The following TOX2 variants were observed in gnomAD, a reference collection of about 807,000 sequenced individuals.
The protein encoded by TOX2 is granulosa cell HMG box 1.
TOX2 carries 15 observed loss-of-function variants against 47.4 expected under a neutral mutation model. That is an observed-to-expected ratio of 0.32 (90% CI 0.21 to 0.49). The LOEUF is 0.49. Ranked by LOEUF, TOX2 falls within the 20% of genes least tolerant of loss-of-function variation. The probability of loss-of-function intolerance (pLI) is 0.99; values close to 1 mark genes in which losing one functional copy is unlikely to be tolerated. For synonymous variants in TOX2, 290 were observed against 296.6 expected (o/e 0.98, Z 0.23); for missense variants, 622 against 673.1 (o/e 0.92, Z 0.84).
chr20:43,995,830 G>A (rs2070467067), intron 2 of TOX2, among the ~76,000 whole-genome samples: 1 of 152,166 alleles, frequency 6.6e-6, no homozygotes, highest in African/African-American at 2.4e-5. Flanking sequence ...TGTTCCTACA[G>A]AAGACATGAT....
At chr20:44,062,104 G>A (rs2071727598) in intron 5 of TOX2, among the ~76,000 whole-genome samples, 1 of 151,608 alleles carries the variant, frequency 6.6e-6, no homozygotes, top group African/African-American at 2.4e-5. Context: ...AGTACTGGAA[G>A]TCCTGGCCAG....
intron 1 of TOX2, among the ~76,000 whole-genome samples, chr20:43,960,234 AC>A (rs2145424865): frequency 6.6e-6 from 1 of 152,212 alleles, no homozygotes; most frequent in South Asian, 2.1e-4. Context: ...CTTGCGTGTC[AC>A]CCTAGTCCCT....
intron 2 of TOX2, among the ~76,000 whole-genome samples, chr20:43,984,228 A>C (rs974742274): frequency 9.9e-5 from 15 of 152,240 alleles, no homozygotes; most frequent in African/African-American, 3.6e-4. Flanking sequence ...TTGTGTTATC[A>C]GAACATGATT....
chr20:44,067,602 GTCC>G (rs1159517953), intron 8 of TOX2, among the ~76,000 whole-genome samples: 1 of 151,906 alleles, frequency 6.6e-6, no homozygotes, highest in Non-Finnish European at 1.5e-5. Flanking sequence ...GTCCTCCCTA[GTCC>G]TCCTGTGGGC....
At chr20:43,943,490 C>T (rs2145355895) in intron 1 of TOX2, among the ~76,000 whole-genome samples, 1 of 152,270 alleles carries the variant, frequency 6.6e-6, no homozygotes, top group Admixed American at 6.5e-5. Flanking sequence ...CCCAGGTGAC[C>T]ACCCTGAGAC....
At chr20:43,975,272 G>A (rs1600699619) in intron 2 of TOX2, among the ~76,000 whole-genome samples, 1 of 151,996 alleles carries the variant, frequency 6.6e-6, no homozygotes, top group Non-Finnish European at 1.5e-5. Context: ...GGAGAGCACA[G>A]TCGTTTGGAG....
At position 44,065,783 on chromosome 20, in the gene TOX2, G is replaced by T; in HGVS notation, c.1032G>T (p.Gln344His). ...NPPAKMLPPK[Q>H]PMYAMPGLAS... ...CAGCCAAAATGCTCCCACCCAAGCA[G>T]CCCATGTATGCCATGCCAGGCCTGG... Residue 344 changes from glutamine (Q) to histidine (H), a missense_variant, in exon 7 of 9, where the codon CAG (glutamine) becomes CAT (histidine). By Grantham distance (24) the Gln-to-His change is conservative. Transcript: ENST00000341197. The T allele has an allele frequency of 6.2e-7, 1 of 1,612,652 alleles. No homozygotes were observed. Among genetic ancestry groups the T allele is most frequent in the Non-Finnish European group, 8.5e-7 (1 of 1,178,874 alleles).
rs200764870 is a variant in TOX2, at chr20:43,973,459, G to A, written c.165+27G>A. 5.9e-4 allele frequency: 955 copies of A among 1,612,658 alleles called. 4 individuals are homozygous for A. The highest frequency in any genetic ancestry group is 2.2e-3 in the Middle Eastern group (13 of 5,914). On this transcript the variant is annotated intron_variant, in intron 2 of 8. Transcript: ENST00000341197. Reference sequence around the variant, plus strand: ...TGGGTGCCTCATCCTCCCTGAACGGGTGTCTTAAGATTTGGGCTGGCTGGA... The same window carrying A: ...TGGGTGCCTCATCCTCCCTGAACGGATGTCTTAAGATTTGGGCTGGCTGGA...
chr20:43,973,257 G>C, intron 1 of TOX2, 110 bp from the exon 2 acceptor site: 1 of 1,071,550 alleles, frequency 9.3e-7, no homozygotes, highest in Non-Finnish European at 1.4e-6. Context: ...GCCTTCTGCA[G>C]CTCCCACAGT....
At position 44,065,942 on chromosome 20, in the gene TOX2, G is replaced by C. The variant is rs771142826; in HGVS notation, c.1191G>C (p.Pro397=). 1 of 1,612,090 alleles carries C rather than the reference G, an allele frequency of 6.2e-7. No homozygotes were observed. Among genetic ancestry groups the C allele is most frequent in the Non-Finnish European group, 8.5e-7 (1 of 1,179,232 alleles). The change falls in exon 7 of 9, where the codon CCG becomes CCC. Residue 397 remains proline, a synonymous_variant. Transcript: ENST00000341197. ...CCCCGCCGCCGCCACCCTCCTTCCCGCTCAGCCCCACACTGCACCAGCAGC... is the reference window on the plus strand; with the variant it reads ...CCCCGCCGCCGCCACCCTCCTTCCCCCTCAGCCCCACACTGCACCAGCAGC... The part of the protein sequence containing the change: ...SASPPPPPSF[P]LSPTLHQQLS...
intron 1 of TOX2, among the ~76,000 whole-genome samples, chr20:43,954,773 C>T (rs1202675952): frequency 6.6e-6 from 1 of 152,204 alleles, no homozygotes; most frequent in East Asian, 1.9e-4. Flanking sequence ...CCATTTCAGC[C>T]TCTGGGAGGA....
chr20:44,054,616 C>T lies in TOX2; in HGVS notation c.879+90C>T. On this transcript the variant is annotated intron_variant, in intron 5 of 8. Coordinates refer to ENST00000341197, the MANE Select transcript of TOX2 (RefSeq NM_001098797.2). ...TTTGAAGGTCTGAAACCAGGCCCAG[C>T]TCTGGAACTAGAGACTCTTACAGAG... The T allele has an allele frequency of 5.1e-6, 7 of 1,361,282 alleles. No individual in the cohort carries two copies. The South Asian group carries it at 7.5e-5, about 15-fold the overall frequency. 84.3% of individuals were successfully genotyped at this position (1,361,282 alleles called of 1,614,324 possible). A position where few individuals can be genotyped will look rare whatever the true frequency, so the allele number is the denominator to read the frequency against.
chr20:43,933,354 G>T (rs2069279817), intron 1 of TOX2, among the ~76,000 whole-genome samples: 1 of 152,228 alleles, frequency 6.6e-6, no homozygotes, highest in Admixed American at 6.5e-5. Context: ...CAGAGGGCTG[G>T]TGACTGCCTA....
rs1169843883 is a variant in TOX2 at position 44,006,589 on chromosome 20, C to T, written c.208C>T (p.Pro70Ser). The T allele has an allele frequency of 1.9e-6, 3 of 1,613,940 alleles. No individual in the cohort carries two copies. Among genetic ancestry groups the T allele is most frequent in the Middle Eastern group, 1.6e-4 (1 of 6,062 alleles). ...CGAGAACAACGAAGACTATGAGATCCCCCCGATAACACCTCCCAACCTCCC... is the reference window on the plus strand; with the variant it reads ...CGAGAACAACGAAGACTATGAGATCTCCCCGATAACACCTCCCAACCTCCC... ...QSENNEDYEIPPITPPNLPEP... is the reference protein window; with the variant it reads ...QSENNEDYEISPITPPNLPEP... The change falls in exon 3 of 9, where the codon CCC becomes TCC. Residue 70 changes from proline to serine, a missense_variant. Pro to Ser is a moderately conservative substitution (Grantham distance 74). This residue lies in a region of TOX2 where 307 missense variants were observed against 327.3 expected (regional missense o/e 0.94). Transcript: ENST00000341197.
intron 3 of TOX2, chr20:44,007,397 A>T (rs2070705389): frequency 6.5e-6 from 1 of 152,868 alleles, no homozygotes; most frequent in Admixed American, 6.5e-5. Flanking sequence ...CTCCTGGGAG[A>T]GGGGAACCAC....
At chr20:44,032,866 C>T (rs896319600) in intron 3 of TOX2, among the ~76,000 whole-genome samples, 49 of 152,318 alleles carry the variant, frequency 3.2e-4, no homozygotes, top group Admixed American at 1.2e-3. Context: ...TGCTTCTCTG[C>T]CGGCGGCTTC....
Position 43,914,962 on chromosome 20 carries a change from C to T in TOX2, c.71C>T (p.Ala24Val). 8.0e-7 allele frequency: 1 copy of T among 1,253,812 alleles called. No individual in the cohort carries two copies. Among genetic ancestry groups the T allele is most frequent in the Non-Finnish European group, 1.0e-6 (1 of 998,526 alleles). The allele number at this position is 1,253,812 out of a possible 1,614,324, so 77.7% of individuals were successfully genotyped here. A position where few individuals can be genotyped will look rare whatever the true frequency, so the allele number is the denominator to read the frequency against. ...ARPGAEPAGL[A>V]HLDYYHGGKF... ...CCCGGGGCCGAGCCGGCCGGCCTGG[C>T]GCACCTGGACTATTACCACGGCGGC... The change falls in exon 1 of 9, where the codon GCG becomes GTG. Residue 24 changes from alanine to valine, a missense_variant. Physicochemically the swap from Ala to Val is moderately conservative, Grantham distance 64. Around this residue, in one of 3 missense-constraint regions of TOX2, gnomAD observed 307 missense variants for 327.3 expected, o/e 0.94. Transcript: ENST00000341197. The surrounding 1 kb of genome is among the most constrained non-coding windows in gnomAD (Gnocchi z 4.5).
chr20:43,995,325 A>G (rs1364354268), intron 2 of TOX2, among the ~76,000 whole-genome samples: 1 of 152,148 alleles, frequency 6.6e-6, no homozygotes, highest in Non-Finnish European at 1.5e-5. Flanking sequence ...GGACACAGAC[A>G]AGCCTGACAA....
Position 43,914,938 on chromosome 20 carries a change from C to T in TOX2, c.47C>T (p.Pro16Leu). The change falls in exon 1 of 9, where the codon CCC (proline) becomes CTC (leucine). Residue 16 changes from proline (P) to leucine (L), a missense_variant. Physicochemically the swap from Pro to Leu is moderately conservative, Grantham distance 98 (BLOSUM62 -3). Coordinates refer to ENST00000341197, the MANE Select transcript of TOX2 (RefSeq NM_001098797.2). This position sits in a 1 kb window ranked among gnomAD's most constrained non-coding sequence, Gnocchi z 4.5. The stretch of plus-strand genomic sequence containing the variant: ...TCGGCGCCCGCGGTGGGCGCGCGGC[C>T]CGGGGCCGAGCCGGCCGGCCTGGCG... ...YPSAPAVGAR[P>L]GAEPAGLAHL... 1 of 1,232,070 alleles carries T rather than the reference C, an allele frequency of 8.1e-7. No individual in the cohort carries two copies. Among genetic ancestry groups the T allele is most frequent in the Non-Finnish European group, 1.0e-6 (1 of 985,684 alleles). 76.3% of individuals were successfully genotyped at this position (1,232,070 alleles called of 1,614,324 possible).
Sources: allele counts gnomAD v4.1 joint callset (sites outside exome capture counted in the v4.1 genomes callset), GRCh38; gene constraint gnomAD v4.1.1; regional missense constraint gnomAD v4.1.1; non-coding constraint Gnocchi (gnomAD v3.1); transcripts MANE v1.5; gene names NCBI Gene and HGNC (gene_info 2026-07-23, HGNC 2026-07-21).